The following PYGM variants were observed in gnomAD, a reference collection of about 807,000 sequenced individuals.
PYGM encodes the protein glycogen phosphorylase, muscle form.
A neutral mutation model predicts 99.3 loss-of-function variants in PYGM; 81 were observed. The ratio of observed to expected loss-of-function variants is 0.82; its 90% CI spans 0.68 to 0.98. The LOEUF (loss-of-function observed/expected upper bound fraction) is 0.98. Ranked by LOEUF, PYGM falls within the 50% of genes least tolerant of loss-of-function variation. The pLI is 0.00. For missense variants in PYGM, 1,030 were observed against 1,158.1 expected (o/e 0.89, Z 1.61); for synonymous variants, 436 against 451.5 (o/e 0.97, Z 0.44).
In PYGM at chr11:64,754,625, C is replaced by A; in HGVS notation, c.999+68G>T. 6.3e-7 allele frequency: 1 copy of A among 1,584,178 alleles called. No homozygotes were observed. On this transcript the variant is annotated intron_variant, in intron 8 of 19. Transcript: ENST00000164139. This position sits in a 1 kb window ranked among gnomAD's most constrained non-coding sequence, Gnocchi z 5.5. ...TTATCTATTACATGGGGCAGGCAGG[C>A]CGAGGCTGGAGGGAGAGGCCTAGCA... is the stretch of plus-strand genomic sequence containing the variant.
At chr11:64,758,207 C>A in intron 4 of PYGM, 39 bp downstream of exon 4, 1 of 1,560,814 alleles carries the variant, frequency 6.4e-7, no homozygotes, top group South Asian at 1.1e-5. Flanking sequence ...TCTTCCCCAT[C>A]CTGACTAGAC....
chr11:64,755,329 C>G lies in PYGM; in HGVS notation c.799G>C (p.Val267Leu), dbSNP rs756281352. 36 of 1,614,062 alleles carry G rather than the reference C, an allele frequency of 2.2e-5. No individual in the cohort carries two copies. The highest frequency in any genetic ancestry group is 2.9e-5 in the Non-Finnish European group (34 of 1,180,046). Residue 267 changes from valine to leucine, a missense_variant, in exon 7 of 20, where the codon GTG becomes CTG. Coordinates refer to ENST00000164139, the MANE Select transcript of PYGM (RefSeq NM_005609.4). The surrounding 1 kb of genome is among the most constrained non-coding windows in gnomAD (Gnocchi z 4.1). The stretch of plus-strand genomic sequence containing the variant: ...TTCTCCGCCAGGTTTCGGTCCAACA[C>G]AGCCTGGATGTAGCCACCGACATTG... ...DFNVGGYIQA[V>L]LDRNLAENIS...
rs1215833773 is a variant in PYGM, at chr11:64,754,157, C to T, written c.1092+96G>A. 4 of 1,578,124 alleles carry T rather than the reference C, an allele frequency of 2.5e-6. No homozygotes were observed. The highest frequency in any genetic ancestry group is 2.2e-5 in the South Asian group (2 of 90,342). Reference sequence around the variant, plus strand: ...GGTCCCTCTGGCCTCAGGCTCTGATCCCTTCACTCCATTCATATCCTCCCA... The same window carrying T: ...GGTCCCTCTGGCCTCAGGCTCTGATTCCTTCACTCCATTCATATCCTCCCA... On this transcript the variant is annotated intron_variant, in intron 9 of 19. Coordinates refer to ENST00000164139, the MANE Select transcript of PYGM (RefSeq NM_005609.4). This position sits in a 1 kb window ranked among gnomAD's most constrained non-coding sequence, Gnocchi z 5.5.
Position 64,746,769 on chromosome 11 carries a change from C to T in PYGM, c.2419G>A (p.Ala807Thr), listed in dbSNP as rs775670598. 1 of 1,614,186 alleles carries T rather than the reference C, an allele frequency of 6.2e-7. No individual in the cohort carries two copies. Among genetic ancestry groups the T allele is most frequent in the Non-Finnish European group, 8.5e-7 (1 of 1,180,026 alleles). Residue 807 changes from alanine (A) to threonine (T), a missense_variant, in exon 20 of 20, where the codon GCC becomes ACC. Coordinates refer to ENST00000164139, the MANE Select transcript of PYGM (RefSeq NM_005609.4). ...TCACTGGAGAACTTGCCAGAGGTGGCTATGTTCCGGATCACCATCCGCGTC... is the reference window on the plus strand; with the variant it reads ...TCACTGGAGAACTTGCCAGAGGTGGTTATGTTCCGGATCACCATCCGCGTC... ...EWTRMVIRNI[A>T]TSGKFSSDRT...
Position 64,750,388 on chromosome 11 carries a change from A to C in PYGM, c.2165T>G (p.Leu722Arg), listed in dbSNP as rs1131691265. Reference sequence around the variant, plus strand: ...CTGACCCCCATACCCTCTTTGGTCAAGCTTATCCACATCCTCCACCCGCAT... The same window carrying C: ...CTGACCCCCATACCCTCTTTGGTCACGCTTATCCACATCCTCCACCCGCAT... ...FGMRVEDVDKLDQRGYNAQEY... is the reference protein window; with the variant it reads ...FGMRVEDVDKRDQRGYNAQEY... Residue 722 changes from leucine to arginine, a missense_variant, in exon 17 of 20, where the codon CTT (leucine) becomes CGT (arginine). Transcript: ENST00000164139. The C allele has an allele frequency of 1.2e-6, 2 of 1,614,026 alleles. No individual in the cohort carries two copies. Among genetic ancestry groups the C allele is most frequent in the Non-Finnish European group, 1.7e-6 (2 of 1,179,998 alleles).
At chr11:64,751,190 C>T in intron 16 of PYGM, 135 bp downstream of exon 16, 1 of 1,355,490 alleles carries the variant, frequency 7.4e-7, no homozygotes, top group South Asian at 1.2e-5. Flanking sequence ...CTGCGCCTGG[C>T]CTCCTCATGG....
At position 64,755,554 on chromosome 11, in the gene PYGM, A is replaced by T. The variant is rs1178655026; in HGVS notation, c.665T>A (p.Val222Glu). The T allele has an allele frequency of 3.7e-6, 6 of 1,613,720 alleles. No individual in the cohort carries two copies. Among genetic ancestry groups the T allele is most frequent in the Non-Finnish European group, 5.1e-6 (6 of 1,179,736 alleles). The change falls in exon 6 of 20, where the codon GTA becomes GAA. Residue 222 changes from valine to glutamate, a missense_variant. By Grantham distance (121) the Val-to-Glu change is moderately radical (BLOSUM62 -2). Coordinates refer to ENST00000164139, the MANE Select transcript of PYGM (RefSeq NM_005609.4). This position sits in a 1 kb window ranked among gnomAD's most constrained non-coding sequence, Gnocchi z 4.1. ...QGAKWVDTQV[V>E]LAMPYDTPVP... Reference sequence around the variant, plus strand: ...GGGCGTATCGTAGGGCATGGCCAGTACCACCTGCGGGGGGCAATCCTGTCA... The same window carrying T: ...GGGCGTATCGTAGGGCATGGCCAGTTCCACCTGCGGGGGGCAATCCTGTCA...
Position 64,758,196 on chromosome 11 carries a change from G to T in PYGM, c.528+50C>A, listed in dbSNP as rs531244031. On this transcript the variant is annotated intron_variant, in intron 4 of 19. Coordinates refer to ENST00000164139, the MANE Select transcript of PYGM (RefSeq NM_005609.4). ...TGCCAGAGATGATAAACAAGTGGGG[G>T]TCTTCCCCATCCTGACTAGACCCCA... 21 of 1,543,874 alleles carry T rather than the reference G, an allele frequency of 1.4e-5. No homozygotes were observed. In the African/African-American group the frequency reaches 2.2e-4, roughly 16 times the overall value.
At position 64,755,754 on chromosome 11, in the gene PYGM, AC is replaced by A. The variant is rs2058390549; in HGVS notation, c.661-197del. On this transcript the variant is annotated intron_variant, in intron 5 of 19. Transcript: ENST00000164139. This position sits in a 1 kb window ranked among gnomAD's most constrained non-coding sequence, Gnocchi z 4.1. The stretch of plus-strand genomic sequence containing the variant: ...CATCTAGAGCAAAGACACCCTCAAC[AC>A]CTCCCCGACACCCATAAGCCCTGCC... Among the ~76,000 whole-genome samples the A allele has an allele frequency of 1.3e-5, 2 of 151,818 alleles. No homozygotes were observed. The highest frequency in any genetic ancestry group is 4.8e-5 in the African/African-American group (2 of 41,290).
Position 64,755,414 on chromosome 11 carries a change from C to G in PYGM, c.772+33G>C, listed in dbSNP as rs961849562. Reference sequence around the variant, plus strand: ...GCGCTGGGCGTGGCCGGCGGGCAAGCTGGGGTTGCTGGCTACCAGTGGATG... The same window carrying G: ...GCGCTGGGCGTGGCCGGCGGGCAAGGTGGGGTTGCTGGCTACCAGTGGATG... On this transcript the variant is annotated intron_variant, in intron 6 of 19. Coordinates refer to ENST00000164139, the MANE Select transcript of PYGM (RefSeq NM_005609.4). This position sits in a 1 kb window ranked among gnomAD's most constrained non-coding sequence, Gnocchi z 4.1. 3 of 1,612,842 alleles carry G rather than the reference C, an allele frequency of 1.9e-6. No individual in the cohort carries two copies. The highest frequency in any genetic ancestry group is 2.5e-6 in the Non-Finnish European group (3 of 1,178,958).
chr11:64,753,025 C>G (rs2058367043), intron 12 of PYGM, 48 bp downstream of exon 12: 2 of 1,495,756 alleles, frequency 1.3e-6, no homozygotes, highest in Admixed American at 3.3e-5. Context: ...CCAGCTGATC[C>G]CTGCAGGGAC....
chr11:64,750,275 TG>T, intron 17 of PYGM, 100 bp downstream of exon 17: 1 of 1,325,030 alleles, frequency 7.5e-7, no homozygotes, highest in African/African-American at 1.4e-5. Context: ...AAGACCTTGC[TG>T]GGCCTGGACC....
rs1056923259 is a variant in PYGM at position 64,751,264 on chromosome 11, T to G, written c.1969+61A>C. On this transcript the variant is annotated intron_variant, in intron 16 of 19. Transcript: ENST00000164139. The stretch of plus-strand genomic sequence containing the variant: ...AAGTATCCCAGGAAGAGACGACTGA[T>G]ACCTCTTCCTGAGACTGAACTAGTC... 9.4e-6 allele frequency: 15 copies of G among 1,601,922 alleles called. No individual in the cohort carries two copies. The African/African-American group carries it at 1.7e-4, about 19-fold the overall frequency.
rs1370814699 is a variant in PYGM, at chr11:64,758,594, C to G, written c.345+9G>C. ...CCAGTCCCCACGGCTTGCCCCACCC[C>G]ACACACACCTGGTAGGTGGCCTCGT... On this transcript the variant is annotated intron_variant, in intron 2 of 19. Transcript: ENST00000164139. The G allele has an allele frequency of 3.1e-6, 5 of 1,613,310 alleles. No homozygotes were observed. Among genetic ancestry groups the G allele is most frequent in the Non-Finnish European group, 4.2e-6 (5 of 1,179,280 alleles).
In PYGM at chr11:64,746,460, G is replaced by A; in HGVS notation, c.*199C>T. The stretch of plus-strand genomic sequence containing the variant: ...TTGGTCAGACCCCATAAATAGGAGG[G>A]GACCGGGAGCCCGAGGACGGAAGGG... On this transcript the variant is annotated 3_prime_UTR_variant, in exon 20 of 20. Coordinates refer to ENST00000164139, the MANE Select transcript of PYGM (RefSeq NM_005609.4). 1 of 694,466 alleles carries A rather than the reference G, an allele frequency of 1.4e-6. No homozygotes were observed. The highest frequency in any genetic ancestry group is 2.7e-5 in the East Asian group (1 of 36,782). The allele number at this position is 694,466 out of a possible 1,614,324, so 43.0% of individuals were successfully genotyped here. A position where few individuals can be genotyped will look rare whatever the true frequency, so the allele number is the denominator to read the frequency against.
In PYGM at chr11:64,751,721, G is replaced by A. The variant is rs572523416; in HGVS notation, c.1769-66C>T. On this transcript the variant is annotated intron_variant, in intron 14 of 19. Coordinates refer to ENST00000164139, the MANE Select transcript of PYGM (RefSeq NM_005609.4). ...CTCTGGGTAGTAGCTCCTGACAGAG[G>A]CTGGGCTGGGACACCGTAGGCCTGA... The A allele has an allele frequency of 1.1e-5, 18 of 1,590,264 alleles. No individual in the cohort carries two copies. In the East Asian group the frequency reaches 3.6e-4, roughly 32 times the overall value.
In PYGM at chr11:64,755,293, C is replaced by A. The variant is rs779003186; in HGVS notation, c.835G>T (p.Val279Phe). The A allele has an allele frequency of 1.5e-5, 25 of 1,613,990 alleles. No homozygotes were observed. Among genetic ancestry groups the A allele is most frequent in the Non-Finnish European group, 2.1e-5 (25 of 1,179,988 alleles). ...CGCACATTATCATTGGGGTACAGGACACGAGAGATGTTCTCCGCCAGGTTT... is the reference window on the plus strand; with the variant it reads ...CGCACATTATCATTGGGGTACAGGAAACGAGAGATGTTCTCCGCCAGGTTT... ...DRNLAENISRVLYPNDNFFEG... is the reference protein window; with the variant it reads ...DRNLAENISRFLYPNDNFFEG... Residue 279 changes from valine (V) to phenylalanine (F), a missense_variant, in exon 7 of 20, where the codon GTC becomes TTC. Transcript: ENST00000164139. This position sits in a 1 kb window ranked among gnomAD's most constrained non-coding sequence, Gnocchi z 4.1.
rs139230055 is a variant in PYGM at position 64,746,741 on chromosome 11, C to T, written c.2447G>A (p.Arg816His). The change falls in exon 20 of 20, where the codon CGC (arginine) becomes CAC (histidine). Residue 816 changes from arginine to histidine, a missense_variant. By Grantham distance (29) the Arg-to-His change is conservative. Transcript: ENST00000164139. ...CTCCCGGGCATACTGGGCAATGGTG[C>T]GGTCACTGGAGAACTTGCCAGAGGT... The part of the protein sequence containing the change: ...IATSGKFSSD[R>H]TIAQYAREIW... 1.2e-4 allele frequency: 197 copies of T among 1,614,184 alleles called. 1 individual carries two copies. In the Middle Eastern group the frequency reaches 4.0e-3, roughly 32 times the overall value.
In PYGM at chr11:64,746,607, C is replaced by G. The variant is rs904130576; in HGVS notation, c.*52G>C. ...CCTCTGCATGAGGTGCTGGGGCTGG[C>G]CCAAGAGAGTGTGACAGACTCAAGG... On this transcript the variant is annotated 3_prime_UTR_variant, in exon 20 of 20. Transcript: ENST00000164139. The G allele has an allele frequency of 6.2e-7, 1 of 1,611,664 alleles. No individual in the cohort carries two copies. Among genetic ancestry groups the G allele is most frequent in the Non-Finnish European group, 8.5e-7 (1 of 1,179,136 alleles).
Sources: allele counts gnomAD v4.1 joint callset (sites outside exome capture counted in the v4.1 genomes callset), GRCh38; gene constraint gnomAD v4.1.1; non-coding constraint Gnocchi (gnomAD v3.1); transcripts MANE v1.5; gene names NCBI Gene and HGNC (gene_info 2026-07-23, HGNC 2026-07-21).